STARD13: variants seen among roughly 807,000 people sequenced by gnomAD.
STARD13 encodes StAR related lipid transfer domain containing 13.
A neutral mutation model predicts 106.4 loss-of-function variants in STARD13; 62 were observed. The ratio of observed to expected loss-of-function variants is 0.58; its 90% confidence interval spans 0.48 to 0.72. STARD13 has a LOEUF of 0.72. STARD13 is among the 30% of genes least tolerant of loss of function. STARD13 has a pLI of 0.00. For missense variants in STARD13, 1,387 were observed against 1,424.0 expected (o/e 0.97, Z 0.42); for synonymous variants, 565 against 553.0 (o/e 1.02, Z -0.31).
chr13:33,202,032 A>G (rs1381896557), intron 1 of STARD13, among the ~76,000 whole-genome samples: 1 of 152,150 alleles, frequency 6.6e-6, no homozygotes, highest in African/African-American at 2.4e-5. Flanking sequence ...TTATGAAACC[A>G]TTTCGTTAGG....
chr13:33,286,919 T>C (rs372578413), upstream of STARD13, among the ~76,000 whole-genome samples: 201 of 152,246 alleles, frequency 1.3e-3, 2 homozygotes, highest in African/African-American at 4.6e-3. Context: ...TATATATACA[T>C]ACACACACTG....
At chr13:33,531,793 A>C in the STARD13 span, among the ~76,000 whole-genome samples, 1 of 152,168 alleles carries the variant, frequency 6.6e-6, no homozygotes, top group Admixed American at 6.5e-5. Flanking sequence ...AATCTATTAC[A>C]TCTGTATCTT....
chr13:33,221,528 G>A (rs1274738736), intron 1 of STARD13, among the ~76,000 whole-genome samples: 1 of 152,112 alleles, frequency 6.6e-6, no homozygotes, highest in Non-Finnish European at 1.5e-5. Flanking sequence ...CCTCTGAGTT[G>A]GGTTCCTGCT....
At chr13:33,544,645 T>A in the STARD13 span, among the ~76,000 whole-genome samples, 1 of 152,188 alleles carries the variant, frequency 6.6e-6, no homozygotes, top group Non-Finnish European at 1.5e-5. Context: ...AAAAAAAGAT[T>A]GAGAACAACT....
chr13:33,463,102 G>T, the STARD13 span, among the ~76,000 whole-genome samples: 2 of 152,166 alleles, frequency 1.3e-5, no homozygotes, highest in African/African-American at 2.4e-5. Context: ...AGTGATGCAG[G>T]GTAGGCAAGC....
At chr13:33,572,609 C>T in the STARD13 span, among the ~76,000 whole-genome samples, 4 of 152,164 alleles carry the variant, frequency 2.6e-5, no homozygotes, top group Non-Finnish European at 5.9e-5. Context: ...GGAATACAAA[C>T]TATTTTTTCA....
At chr13:33,475,961 T>TA in the STARD13 span, among the ~76,000 whole-genome samples, 6 of 150,020 alleles carry the variant, frequency 4.0e-5, no homozygotes, top group African/African-American at 7.4e-5. Context: ...GTCTCAAAAA[T>TA]AAAAAAAAGA....
chr13:33,551,406 G>C, the STARD13 span, among the ~76,000 whole-genome samples: 2 of 151,972 alleles, frequency 1.3e-5, no homozygotes, highest in East Asian at 3.9e-4. Flanking sequence ...GGATTTGGGG[G>C]AATTTCAGTT....
the STARD13 span, among the ~76,000 whole-genome samples, chr13:33,410,275 C>T: frequency 4.7e-3 from 712 of 152,190 alleles, 7 homozygotes; most frequent in African/African-American, 0.016. Context: ...ATTGGTGTCA[C>T]GGAAGATGCT....
At chr13:33,343,493 G>A (rs768870540) in intron 1 of STARD13, among the ~76,000 whole-genome samples, 24 of 140,278 alleles carry the variant, frequency 1.7e-4, no homozygotes, top group Non-Finnish European at 3.5e-4. Context: ...GTGGGAGGAC[G>A]CTTGAGTCTT....
intron 1 of STARD13, among the ~76,000 whole-genome samples, chr13:33,237,004 G>A (rs1196701762): frequency 6.6e-6 from 1 of 151,530 alleles, no homozygotes; most frequent in Admixed American, 6.6e-5. Flanking sequence ...ATTACTTTTG[G>A]TTTTCACTGC....
In STARD13 at chr13:33,111,905, G is replaced by A. The variant is rs753209613; in HGVS notation, c.2493-13C>T. On this transcript the variant is annotated splice_polypyrimidine_tract_variant and intron_variant, in intron 9 of 13. Transcript: ENST00000336934. ...CTTCTGTATGACTCTGTAATTGAAC[G>A]TGAGTGTGCTAAGCAGATCCCACAC... The A allele has an allele frequency of 3.0e-5, 47 of 1,549,604 alleles. No individual in the cohort carries two copies. The highest frequency in any genetic ancestry group is 2.5e-4 in the East Asian group (11 of 44,556).
rs78643746 is a variant in STARD13 at position 33,186,024 on chromosome 13, G to A, written c.170-18402C>T. On this transcript the variant is annotated intron_variant, in intron 1 of 13. Coordinates refer to ENST00000336934, the MANE Select transcript of STARD13 (RefSeq NM_178006.4). ...GAGAACTGAGGAGGGTTCCAGCATG[G>A]AGGTTCAAAGAAATTCAGAGCAAGG... The A allele has an allele frequency of 5.6e-5, 91 of 1,614,094 alleles. No homozygotes were observed. The African/African-American group carries it at 1.1e-3, about 19-fold the overall frequency.
intron 1 of STARD13, among the ~76,000 whole-genome samples, chr13:33,243,836 T>C (rs1566094597): frequency 6.6e-6 from 1 of 152,078 alleles, no homozygotes; most frequent in Non-Finnish European, 1.5e-5. Flanking sequence ...CTGGCACCTG[T>C]AAGGTATTTA....
the STARD13 span, among the ~76,000 whole-genome samples, chr13:33,640,147 G>C: frequency 1.4e-4 from 21 of 152,154 alleles, no homozygotes; most frequent in Non-Finnish European, 2.4e-4. Flanking sequence ...GCCCACAAGG[G>C]TGTCAGTGAT....
chr13:33,523,267 G>C, the STARD13 span, among the ~76,000 whole-genome samples: 1 of 152,028 alleles, frequency 6.6e-6, no homozygotes, highest in Admixed American at 6.6e-5. Context: ...TCTCTGTGAA[G>C]GTCAAAGATC....
chr13:33,187,749 C>A (rs891134184), intron 1 of STARD13, among the ~76,000 whole-genome samples: 1 of 152,124 alleles, frequency 6.6e-6, no homozygotes, highest in Non-Finnish European at 1.5e-5. Context: ...GTGGCATGAT[C>A]TCAGCTCACT....
At chr13:33,535,492 T>C in the STARD13 span, among the ~76,000 whole-genome samples, 3 of 152,190 alleles carry the variant, frequency 2.0e-5, no homozygotes, top group African/African-American at 7.2e-5. Context: ...AAAGATAAAA[T>C]TGTATTTTAG....
chr13:33,302,655 C>T (rs1349495501), intron 1 of STARD13, among the ~76,000 whole-genome samples: 2 of 152,184 alleles, frequency 1.3e-5, no homozygotes, highest in African/African-American at 4.8e-5. Flanking sequence ...AATCCTCCCA[C>T]CTCGGCCTCC....
Sources: allele counts gnomAD v4.1 joint callset (sites outside exome capture counted in the v4.1 genomes callset), GRCh38; gene constraint gnomAD v4.1.1; transcripts MANE v1.5; gene names NCBI Gene and HGNC (gene_info 2026-07-23, HGNC 2026-07-21).